Variants in HSH2D observed in about 807,000 individuals in gnomAD.
The protein encoded by HSH2D is hematopoietic SH2 domain-containing protein.
HSH2D carries 16 observed loss-of-function variants against 21.5 expected under a neutral mutation model. The ratio of observed to expected loss-of-function variants is 0.74; its 90% CI spans 0.50 to 1.13. The LOEUF (loss-of-function observed/expected upper bound fraction) is 1.13, where lower values mean the gene tolerates loss of function less well. Among genes scored for constraint, HSH2D ranks in the 50% most tolerant of loss-of-function variants. The pLI is 0.00. For missense variants in HSH2D, 418 were observed against 441.4 expected, an observed-to-expected ratio of 0.95 and a Z score of 0.47; for synonymous variants, 172 against 184.7, an observed-to-expected ratio of 0.93 and a Z score of 0.56.
Position 16,143,755 on chromosome 19 carries a change from G to A in HSH2D, c.-47G>A. On this transcript the variant is annotated 5_prime_UTR_variant, in exon 1 of 6. Coordinates refer to ENST00000613986, the MANE Select transcript of HSH2D (RefSeq NM_001382417.1). ...TGGCACAGCTACAGCGAGGGCCTCG[G>A]CCATCCAAGGGTCTCCCAGGTATGT... The A allele has an allele frequency of 2.2e-6, 1 of 453,680 alleles. No individual in the cohort carries two copies. Among genetic ancestry groups the A allele is most frequent in the Non-Finnish European group, 4.4e-6 (1 of 225,248 alleles). 28.1% of individuals were successfully genotyped at this position (453,680 alleles called of 1,614,324 possible). A position where few individuals can be genotyped will look rare whatever the true frequency, so the allele number is the denominator to read the frequency against.
At position 16,157,365 on chromosome 19, in the gene HSH2D, C is replaced by T. The variant is rs376731832; in HGVS notation, c.630C>T (p.Leu210=). The T allele has an allele frequency of 2.7e-5, 44 of 1,613,826 alleles. No homozygotes were observed. The African/African-American group carries it at 5.7e-4, about 21-fold the overall frequency. Residue 210 remains leucine, a synonymous_variant, in exon 6 of 6, where the codon CTC becomes CTT. Transcript: ENST00000613986. The surrounding 1 kb of genome is among the most constrained non-coding windows in gnomAD (Gnocchi z 4.4). ...RQKLWRSLKM[L]PERGQRVRQQ... ...AACTCTGGAGGAGCCTCAAAATGCT[C>T]CCCGAGAGAGGCCAGAGGGTCCGGC...
chr19:16,151,576 C>T (rs565638151), intron 2 of HSH2D: 1 of 455,780 alleles, frequency 2.2e-6, no homozygotes, highest in Non-Finnish European at 4.4e-6. Context: ...TCTGAGCATA[C>T]AGGTCCTTCT....
intron 5 of HSH2D, among the ~76,000 whole-genome samples, chr19:16,155,404 T>C (rs865851816): frequency 9.2e-5 from 14 of 152,000 alleles, no homozygotes; most frequent in Non-Finnish European, 1.3e-4. Context: ...GGAATGGCAC[T>C]TGCAAAAGTC....
intron 2 of HSH2D, among the ~76,000 whole-genome samples, chr19:16,149,322 C>T (rs1258539327): frequency 6.6e-6 from 1 of 152,184 alleles, no homozygotes; most frequent in East Asian, 1.9e-4. Flanking sequence ...TCCGCCTCAA[C>T]TTGCTAAGTA....
upstream of HSH2D, among the ~76,000 whole-genome samples, chr19:16,143,016 G>A (rs189979938): frequency 1.1e-4 from 17 of 147,944 alleles, no homozygotes; most frequent in African/African-American, 3.7e-4. Context: ...TGATCCACCC[G>A]CCTCGGCCTC....
upstream of HSH2D, among the ~76,000 whole-genome samples, chr19:16,141,605 C>T (rs1410890586): frequency 3.3e-5 from 5 of 152,186 alleles, no homozygotes; most frequent in African/African-American, 7.2e-5. Context: ...TGGACCACAT[C>T]GGTCTTAATG....
chr19:16,148,744 G>A lies in HSH2D; in HGVS notation c.-7G>A. On this transcript the variant is annotated 5_prime_UTR_variant, in exon 2 of 6. Coordinates refer to ENST00000613986, the MANE Select transcript of HSH2D (RefSeq NM_001382417.1). ...CCCAGGTGACCTTCCCTCCACCCCA[G>A]GAAGCTATGACAGAGGCCGGGAAGC... 6.2e-7 allele frequency: 1 copy of A among 1,613,922 alleles called. No individual in the cohort carries two copies. The highest frequency in any genetic ancestry group is 8.5e-7 in the Non-Finnish European group (1 of 1,179,862).
intron 1 of HSH2D, among the ~76,000 whole-genome samples, chr19:16,145,488 C>T (rs1356040506): frequency 3.3e-5 from 5 of 152,150 alleles, no homozygotes; most frequent in African/African-American, 9.7e-5. Context: ...GCTGGGATTA[C>T]AGGTGTGAGC....
At position 16,148,790 on chromosome 19, in the gene HSH2D, C is replaced by G; in HGVS notation, c.40C>G (p.Arg14Gly). ...AGKLPLPLPP[R>G]LDWFVHTQMG... The stretch of plus-strand genomic sequence containing the variant: ...GAAGCTGCCCCTACCGCTACCCCCA[C>G]GGCTGGACTGGTTTGTGCACACCCA... Residue 14 changes from arginine to glycine, a missense_variant, in exon 2 of 6, where the codon CGG becomes GGG. By Grantham distance (125) the Arg-to-Gly change is moderately radical (BLOSUM62 -2). Transcript: ENST00000613986. The G allele has an allele frequency of 3.7e-6, 6 of 1,613,768 alleles. No individual in the cohort carries two copies. Among genetic ancestry groups the G allele is most frequent in the Non-Finnish European group, 5.1e-6 (6 of 1,179,774 alleles).
rs756984787 is a variant in HSH2D at position 16,152,959 on chromosome 19, G to A, written c.216-84G>A. 7 of 1,498,544 alleles carry A rather than the reference G, an allele frequency of 4.7e-6. No individual in the cohort carries two copies. In the South Asian group the frequency reaches 8.4e-5, roughly 18 times the overall value. The allele number at this position is 1,498,544 out of a possible 1,614,324, so 92.8% of individuals were successfully genotyped here. On this transcript the variant is annotated intron_variant, in intron 3 of 5. Transcript: ENST00000613986. ...AACCTGGGGTAGTCTGGCTGTAGCAGTGACGCTGCCGGCCCAAGGGCTGGG... is the reference window on the plus strand; with the variant it reads ...AACCTGGGGTAGTCTGGCTGTAGCAATGACGCTGCCGGCCCAAGGGCTGGG...
chr19:16,138,065 A>T (rs2090976081), intron 1 of HSH2D, among the ~76,000 whole-genome samples: 1 of 151,822 alleles, frequency 6.6e-6, no homozygotes, highest in Non-Finnish European at 1.5e-5. Context: ...ATGGAGTTTC[A>T]CCATGTTGGC....
chr19:16,138,215 G>A (rs1031391072), intron 1 of HSH2D, among the ~76,000 whole-genome samples: 1 of 152,248 alleles, frequency 6.6e-6, no homozygotes, highest in South Asian at 2.1e-4. Flanking sequence ...GGTGGCCTTT[G>A]TGTCTGGCTT....
intron 1 of HSH2D, among the ~76,000 whole-genome samples, chr19:16,147,244 G>C (rs889333674): frequency 3.9e-5 from 6 of 151,936 alleles, no homozygotes; most frequent in Non-Finnish European, 8.8e-5. Context: ...TAGCACTTTG[G>C]GAGGCTGACA....
intron 3 of HSH2D, 36 bp from the exon 4 acceptor site, chr19:16,153,007 G>A (rs1340508656): frequency 5.0e-6 from 8 of 1,594,534 alleles, no homozygotes; most frequent in Non-Finnish European, 6.8e-6. Context: ...GGATGAGGGG[G>A]AGTAGGATGT....
At chr19:16,149,576 T>C (rs1008418512) in intron 2 of HSH2D, among the ~76,000 whole-genome samples, 2 of 149,954 alleles carry the variant, frequency 1.3e-5, no homozygotes, top group African/African-American at 4.9e-5. Flanking sequence ...GCCCTTTCTT[T>C]TTTTTTCTTT....
chr19:16,134,676 G>T (rs771863841), intron 1 of HSH2D, among the ~76,000 whole-genome samples: 2 of 152,080 alleles, frequency 1.3e-5, no homozygotes, highest in Admixed American at 1.3e-4. Flanking sequence ...CTTCCCCATC[G>T]TGCCCACAGC....
At position 16,152,542 on chromosome 19, in the gene HSH2D, G is replaced by T. The variant is rs2091173212; in HGVS notation, c.126-10G>T. ...ACTGTTTCATTTCCTTTCTGTGTGT[G>T]CCCTTCCAGGGATGCTGAGAACTTG... On this transcript the variant is annotated splice_polypyrimidine_tract_variant and intron_variant, in intron 2 of 5. Transcript: ENST00000613986. The T allele has an allele frequency of 6.8e-7, 1 of 1,476,496 alleles. No individual in the cohort carries two copies. Among genetic ancestry groups the T allele is most frequent in the East Asian group, 2.4e-5 (1 of 42,182 alleles). 91.5% of individuals were successfully genotyped at this position (1,476,496 alleles called of 1,614,324 possible). A position where few individuals can be genotyped will look rare whatever the true frequency, so the allele number is the denominator to read the frequency against.
chr19:16,145,700 C>T (rs2091058544), intron 1 of HSH2D, among the ~76,000 whole-genome samples: 1 of 152,036 alleles, frequency 6.6e-6, no homozygotes, highest in South Asian at 2.1e-4. Flanking sequence ...TAGAGACAGC[C>T]CAGTAAAAAG....
chr19:16,149,190 G>A (rs1414908406), intron 2 of HSH2D, among the ~76,000 whole-genome samples: 3 of 152,148 alleles, frequency 2.0e-5, no homozygotes, highest in African/African-American at 7.2e-5. Flanking sequence ...ATGGCAGCAT[G>A]CAGCCTCAGA....
Sources: gnomAD v4.1 joint callset for allele counts (sites outside exome capture counted in the v4.1 genomes callset) on GRCh38, gnomAD v4.1.1 for gene constraint, Gnocchi (gnomAD v3.1) non-coding constraint, MANE v1.5 for transcripts, NCBI Gene and HGNC (gene_info 2026-07-23, HGNC 2026-07-21) for gene names.